LSS: variants seen among roughly 807,000 people sequenced by gnomAD.
LSS encodes the protein 2,3-epoxysqualene-lanosterol cyclase.
In LSS, 90 loss-of-function variants were observed where a neutral mutation model predicts 110.3. The observed-to-expected ratio is 0.82, with a 90% CI of 0.69 to 0.97. The LOEUF (loss-of-function observed/expected upper bound fraction) is 0.97, where lower values mean the gene tolerates loss of function less well. Ranked by LOEUF, LSS falls within the 50% of genes least tolerant of loss-of-function variation. The pLI is 0.00. For synonymous variants in LSS, 433 were observed against 400.0 expected, an observed-to-expected ratio of 1.08 and a Z score of -0.98; for missense variants, 927 against 990.0, an observed-to-expected ratio of 0.94 and a Z score of 0.85.
At chr21:46,224,054 G>C (rs1284092128) in intron 3 of LSS, among the ~76,000 whole-genome samples, 1 of 152,216 alleles carries the variant, frequency 6.6e-6, no homozygotes, top group East Asian at 1.9e-4. Context: ...CTGTGCTTCA[G>C]TGGTCACGCT....
intron 8 of LSS, 88 bp from the exon 9 acceptor site, chr21:46,215,386 C>CT: frequency 1.3e-6 from 1 of 766,756 alleles, no homozygotes; most frequent in Non-Finnish European, 1.9e-6. Flanking sequence ...TGGACTTGCC[C>CT]TTCCCAGGGT....
Position 46,205,836 on chromosome 21 carries a change from C to T in LSS, c.1670G>A (p.Arg557Gln), listed in dbSNP as rs771339490. Residue 557 changes from arginine to glutamine, a missense_variant and splice_region_variant, in exon 17 of 22, where the codon CGG becomes CAG. Transcript: ENST00000397728. Reference sequence around the variant, plus strand: ...ACTGAATGGCTGAGACCCTCCTTACCGGATCTCCGCTGCCCTGTGCTCCGG... The same window carrying T: ...ACTGAATGGCTGAGACCCTCCTTACTGGATCTCCGCTGCCCTGTGCTCCGG... The part of the protein sequence containing the change: ...RFPEHRAAEI[R>Q]ETLTQGLEFC... The T allele has an allele frequency of 4.4e-6, 7 of 1,599,056 alleles. No homozygotes were observed. The highest frequency in any genetic ancestry group is 1.3e-5 in the African/African-American group (1 of 74,942).
intron 17 of LSS, among the ~76,000 whole-genome samples, chr21:46,200,556 A>G (rs1171567562): frequency 6.6e-6 from 1 of 151,332 alleles, no homozygotes; most frequent in Non-Finnish European, 1.5e-5. Context: ...TCTAATCACG[A>G]GACACCAGAA....
rs576942142 is a variant in LSS, at chr21:46,219,577, G to T, written c.551-5C>A. The T allele has an allele frequency of 2.5e-6, 4 of 1,579,314 alleles. No individual in the cohort carries two copies. In the African/African-American group the frequency reaches 4.1e-5, roughly 16 times the overall value. On this transcript the variant is annotated splice_polypyrimidine_tract_variant and splice_region_variant and intron_variant, in intron 5 of 21. Transcript: ENST00000397728. ...AGGGGATGGCCACAGCACCACCTGA[G>T]CGGGGAGAGAATAGGCCCACGTCAT...
chr21:46,200,078 T>A (rs1569021134), intron 17 of LSS, among the ~76,000 whole-genome samples: 1 of 152,182 alleles, frequency 6.6e-6, no homozygotes, highest in South Asian at 2.1e-4. Context: ...TTCTGTAAAT[T>A]TAAAGCTGCT....
chr21:46,218,856 G>C (rs1371997219), intron 6 of LSS, among the ~76,000 whole-genome samples: 3 of 151,666 alleles, frequency 2.0e-5, no homozygotes. Context: ...CTCCCGAGTA[G>C]CTGGAAACTA....
chr21:46,225,782 C>A (rs2080332161), intron 3 of LSS, among the ~76,000 whole-genome samples: 1 of 152,168 alleles, frequency 6.6e-6, no homozygotes, highest in Admixed American at 6.5e-5. Flanking sequence ...GACACGTGAC[C>A]CATGTGACCT....
rs754050584 is a variant in LSS, at chr21:46,216,341, G to A, written c.783+48C>T. ...AGATTCCAGAAGCCCCAGGCCCTGT[G>A]GGTCCCAGCCCCAGAGGCCTTCACT... On this transcript the variant is annotated intron_variant, in intron 7 of 21. Transcript: ENST00000397728. This position sits in a 1 kb window ranked among gnomAD's most constrained non-coding sequence, Gnocchi z 4.2. 14 of 1,611,854 alleles carry A rather than the reference G, an allele frequency of 8.7e-6. No individual in the cohort carries two copies. In the African/African-American group the frequency reaches 1.5e-4, roughly 17 times the overall value.
intron 11 of LSS, 103 bp from the exon 12 acceptor site, chr21:46,210,847 C>T: frequency 9.3e-7 from 1 of 1,073,798 alleles, no homozygotes; most frequent in South Asian, 1.3e-5. Context: ...TGTGGGGGCT[C>T]CCACCCAGCC....
At position 46,189,704 on chromosome 21, in the gene LSS, G is replaced by C. The variant is rs1569011772; in HGVS notation, c.*1400C>G. 4.4e-6 allele frequency: 2 copies of C among 456,838 alleles called. No homozygotes were observed. The highest frequency in any genetic ancestry group is 1.5e-5 in the South Asian group (1 of 64,566). The allele number at this position is 456,838 out of a possible 1,614,324, so 28.3% of individuals were successfully genotyped here. The stretch of plus-strand genomic sequence containing the variant: ...CTGCCTGAGGGAGAGTGATCAGCCA[G>C]GGGGAGAGGCCAGGGACTGCTACCT... On this transcript the variant is annotated 3_prime_UTR_variant, in exon 22 of 22. Transcript: ENST00000397728.
intron 7 of LSS, 84 bp from the exon 8 acceptor site, chr21:46,215,877 C>A: frequency 1.1e-6 from 1 of 895,208 alleles, no homozygotes; most frequent in Non-Finnish European, 1.7e-6. Flanking sequence ...CTCCCACCAT[C>A]CGCCCTCAGG....
At chr21:46,205,133 T>C (rs2080028387) in intron 17 of LSS, among the ~76,000 whole-genome samples, 1 of 152,110 alleles carries the variant, frequency 6.6e-6, no homozygotes, top group Admixed American at 6.5e-5. Flanking sequence ...CCCCAAAAGA[T>C]AAGTACAAGA....
chr21:46,227,822 T>C (rs1601456433), intron 2 of LSS, 132 bp from the exon 3 acceptor site: 1 of 1,062,842 alleles, frequency 9.4e-7, no homozygotes, highest in East Asian at 2.5e-5. Flanking sequence ...GCTGTTTCCA[T>C]CAAAAGTCTG....
chr21:46,219,655 C>T (rs2080249835), intron 5 of LSS, 83 bp from the exon 6 acceptor site: 2 of 818,408 alleles, frequency 2.4e-6, no homozygotes, highest in Non-Finnish European at 3.7e-6. Context: ...GCTTCACCCT[C>T]TGGGAGTCAC....
At chr21:46,196,406 C>G (rs1052400053) in intron 17 of LSS, 139 bp from the exon 18 acceptor site, 8 of 687,018 alleles carry the variant, frequency 1.2e-5, no homozygotes, top group African/African-American at 3.6e-5. Flanking sequence ...TTACACAGAC[C>G]GATGAGGGTT....
At chr21:46,206,304 G>GGTCCCCACA (rs546074564) in intron 16 of LSS, among the ~76,000 whole-genome samples, 2 of 152,124 alleles carry the variant, frequency 1.3e-5, no homozygotes, top group African/African-American at 4.8e-5. Context: ...CCATGGCATG[G>GGTCCCCACA]GTCCCCACAG....
chr21:46,216,557 C>T lies in LSS; in HGVS notation c.648-33G>A, dbSNP rs1275406216. 3 of 1,547,306 alleles carry T rather than the reference C, an allele frequency of 1.9e-6. No individual in the cohort carries two copies. The highest frequency in any genetic ancestry group is 1.7e-6 in the Non-Finnish European group (2 of 1,143,122). ...AACAGCAGGAGTCAGTGGGAGACCC[C>T]AAGACTCAAGCCTGCCCCCTCCGCC... is the stretch of plus-strand genomic sequence containing the variant. On this transcript the variant is annotated intron_variant, in intron 6 of 21. Coordinates refer to ENST00000397728, the MANE Select transcript of LSS (RefSeq NM_002340.6). This position sits in a 1 kb window ranked among gnomAD's most constrained non-coding sequence, Gnocchi z 4.2.
chr21:46,207,409 G>A lies in LSS; in HGVS notation c.1467+19C>T. 6.2e-7 allele frequency: 1 copy of A among 1,609,940 alleles called. No homozygotes were observed. Among genetic ancestry groups the A allele is most frequent in the African/African-American group, 1.3e-5 (1 of 75,064 alleles). On this transcript the variant is annotated intron_variant, in intron 15 of 21. Coordinates refer to ENST00000397728, the MANE Select transcript of LSS (RefSeq NM_002340.6). ...CAGGACACGAGGTATGGACGGGGCTGCTGGGACCACAGCCTTACCACAGCC... is the reference window on the plus strand; with the variant it reads ...CAGGACACGAGGTATGGACGGGGCTACTGGGACCACAGCCTTACCACAGCC...
intron 5 of LSS, among the ~76,000 whole-genome samples, chr21:46,219,966 A>G (rs958284834): frequency 6.6e-6 from 1 of 152,094 alleles, no homozygotes; most frequent in Non-Finnish European, 1.5e-5. Context: ...GACAGCGCAC[A>G]CTCAGCCTCG....
Sources: allele counts gnomAD v4.1 joint callset (sites outside exome capture counted in the v4.1 genomes callset), GRCh38; gene constraint gnomAD v4.1.1; non-coding constraint Gnocchi (gnomAD v3.1); transcripts MANE v1.5; gene names NCBI Gene and HGNC (gene_info 2026-07-23, HGNC 2026-07-21).